Variants in TTC28 observed in about 807,000 individuals in gnomAD.
TTC28 encodes tetratricopeptide repeat protein 28.
Under a neutral mutation model 198.0 loss-of-function variants are expected in TTC28, and 61 were observed. The ratio of observed to expected loss-of-function variants is 0.31; its 90% CI spans 0.25 to 0.38. The LOEUF is 0.38. Among genes scored for constraint, TTC28 ranks in the 10% least tolerant of loss-of-function variants. The probability of loss-of-function intolerance (pLI) is 1.00; values close to 1 mark genes in which losing one functional copy is unlikely to be tolerated. For missense variants in TTC28, 2,678 were observed against 3,164.0 expected, an observed-to-expected ratio of 0.85 and a Z score of 3.69; for synonymous variants, 1,171 against 1,297.8, an observed-to-expected ratio of 0.90 and a Z score of 2.10.
intron 1 of TTC28, among the ~76,000 whole-genome samples, chr22:28,639,506 T>A (rs1399582074): frequency 6.6e-6 from 1 of 152,204 alleles, no homozygotes; most frequent in Non-Finnish European, 1.5e-5. Flanking sequence ...CACCCAAGTC[T>A]CATCTTGAAT....
intron 2 of TTC28, among the ~76,000 whole-genome samples, chr22:28,574,065 T>C (rs1341156383): frequency 1.3e-5 from 2 of 152,064 alleles, no homozygotes; most frequent in Non-Finnish European, 2.9e-5. Context: ...CAGGCTGGAG[T>C]ACAGTGGCAC....
At chr22:28,360,296 C>A (rs1285308814) in intron 2 of TTC28, among the ~76,000 whole-genome samples, 2 of 152,192 alleles carry the variant, frequency 1.3e-5, no homozygotes, top group Non-Finnish European at 2.9e-5. Context: ...GAATCCTGCT[C>A]ACTTAACTAA....
At chr22:28,296,509 A>C (rs2044899479) in intron 4 of TTC28, among the ~76,000 whole-genome samples, 181 bp from the exon 5 acceptor site, 1 of 152,212 alleles carries the variant, frequency 6.6e-6, no homozygotes, top group Non-Finnish European at 1.5e-5. Flanking sequence ...ACTGCCCTAG[A>C]ATTTAAATCT....
rs562072759 is a variant in TTC28, at chr22:28,099,139, C to T, written c.3418-95G>A. 9.0e-6 allele frequency: 13 copies of T among 1,452,438 alleles called. No homozygotes were observed. The East Asian group carries it at 3.0e-4, about 33-fold the overall frequency. 90.0% of individuals were successfully genotyped at this position (1,452,438 alleles called of 1,614,324 possible). The stretch of plus-strand genomic sequence containing the variant: ...CAACTTTTGCTCATATCTTTGTGCA[C>T]AACCTAAATATTTTTTACAGATTTG... On this transcript the variant is annotated intron_variant, in intron 9 of 22. Transcript: ENST00000397906.
At chr22:28,209,341 C>T (rs974770388) in intron 5 of TTC28, among the ~76,000 whole-genome samples, 4 of 152,174 alleles carry the variant, frequency 2.6e-5, no homozygotes, top group African/African-American at 9.7e-5. Context: ...GGCGGGGCAT[C>T]GCCTCACCCA....
intron 12 of TTC28, among the ~76,000 whole-genome samples, chr22:28,071,919 C>A (rs1057484400): frequency 2.6e-5 from 4 of 152,178 alleles, no homozygotes; most frequent in Non-Finnish European, 5.9e-5. Context: ...GAAAGAACAT[C>A]TCATTACTTG....
At chr22:28,423,285 G>A (rs1470772895) in intron 2 of TTC28, among the ~76,000 whole-genome samples, 1 of 152,146 alleles carries the variant, frequency 6.6e-6, no homozygotes, top group Non-Finnish European at 1.5e-5. Flanking sequence ...AGCTGCTCAG[G>A]AGGCTGAGGC....
At chr22:28,255,279 A>T (rs2147283639) in intron 5 of TTC28, among the ~76,000 whole-genome samples, 1 of 152,314 alleles carries the variant, frequency 6.6e-6, no homozygotes, top group Middle Eastern at 3.4e-3. Context: ...TGTGGGTATC[A>T]TTAGTGCAAA....
chr22:28,090,017 T>C (rs1448734108), intron 12 of TTC28, among the ~76,000 whole-genome samples: 5 of 151,782 alleles, frequency 3.3e-5, no homozygotes, highest in Admixed American at 3.3e-4. Flanking sequence ...TAATGCTAAA[T>C]GACGAGTTAA....
chr22:28,036,927 G>A lies in TTC28; in HGVS notation c.3933-6561C>T, dbSNP rs557466807. Among the ~76,000 whole-genome samples, 500 of 152,234 alleles carry A rather than the reference G, an allele frequency of 3.3e-3. 5 individuals are homozygous for A. The highest frequency in any genetic ancestry group is 0.014 in the Middle Eastern group (4 of 294). ...ATAAACTAGAAAATCTAGAAGAAATGGATAAATTCCTCGACACATACACCC... is the reference window on the plus strand; with the variant it reads ...ATAAACTAGAAAATCTAGAAGAAATAGATAAATTCCTCGACACATACACCC... On this transcript the variant is annotated intron_variant, in intron 12 of 22. Transcript: ENST00000397906.
intron 2 of TTC28, among the ~76,000 whole-genome samples, chr22:28,401,104 GA>G (rs1569306071): frequency 2.0e-5 from 3 of 151,706 alleles, no homozygotes; most frequent in African/African-American, 7.3e-5. Flanking sequence ...AGATGGTACA[GA>G]GTTGTTTATA....
intron 3 of TTC28, among the ~76,000 whole-genome samples, chr22:28,301,055 A>G (rs747765455): frequency 6.6e-6 from 1 of 151,972 alleles, no homozygotes; most frequent in African/African-American, 2.4e-5. Context: ...CACTGTATAT[A>G]AATTTAAAAA....
At chr22:28,401,990 T>G (rs1387606167) in intron 2 of TTC28, among the ~76,000 whole-genome samples, 1 of 152,200 alleles carries the variant, frequency 6.6e-6, no homozygotes, top group Non-Finnish European at 1.5e-5. Flanking sequence ...CTCCCATCTG[T>G]TTACTGGTCA....
At chr22:28,491,608 C>T (rs1352449804) in intron 2 of TTC28, among the ~76,000 whole-genome samples, 2 of 152,116 alleles carry the variant, frequency 1.3e-5, no homozygotes, top group African/African-American at 2.4e-5. Flanking sequence ...AGTCAGGAAA[C>T]AACAGGTGCT....
intron 2 of TTC28, among the ~76,000 whole-genome samples, chr22:28,405,374 G>T (rs1467017380): frequency 6.6e-6 from 1 of 152,078 alleles, no homozygotes; most frequent in Non-Finnish European, 1.5e-5. Flanking sequence ...GATTGCAATG[G>T]GCCCAGTGGA....
chr22:28,486,990 A>G (rs1317439755), intron 2 of TTC28, among the ~76,000 whole-genome samples: 1 of 152,168 alleles, frequency 6.6e-6, no homozygotes, highest in African/African-American at 2.4e-5. Context: ...ACAGTGCGAG[A>G]CCTTCTGATG....
chr22:28,206,577 A>G (rs1356424065), intron 5 of TTC28, among the ~76,000 whole-genome samples: 1 of 152,194 alleles, frequency 6.6e-6, no homozygotes, highest in Non-Finnish European at 1.5e-5. Context: ...AATCTGGTTA[A>G]TATGTCCCTT....
intron 2 of TTC28, among the ~76,000 whole-genome samples, chr22:28,591,281 T>A (rs1004916469): frequency 2.0e-5 from 3 of 150,668 alleles, no homozygotes; most frequent in Non-Finnish European, 4.4e-5. Flanking sequence ...CTATTTTTTT[T>A]ATATATATAT....
At chr22:28,628,962 A>G (rs2051123439) in intron 2 of TTC28, among the ~76,000 whole-genome samples, 1 of 152,098 alleles carries the variant, frequency 6.6e-6, no homozygotes, top group Admixed American at 6.6e-5. Context: ...AAAAGAAAAG[A>G]AAGGAAAGGA....
Sources: gnomAD v4.1 joint callset for allele counts (sites outside exome capture counted in the v4.1 genomes callset) on GRCh38, gnomAD v4.1.1 for gene constraint, MANE v1.5 for transcripts, NCBI Gene and HGNC (gene_info 2026-07-23, HGNC 2026-07-21) for gene names.